Variants in SPAG16 observed in about 807,000 individuals in gnomAD.
The protein encoded by SPAG16 is sperm associated antigen 16.
A neutral mutation model predicts 80.4 loss-of-function variants in SPAG16; 86 were observed. The ratio of observed to expected loss-of-function variants is 1.07; its 90% CI spans 0.90 to 1.28. The LOEUF is 1.28. Ranked by LOEUF, SPAG16 falls within the 50% of genes most tolerant of loss-of-function variation. The pLI, the probability that SPAG16 is intolerant of heterozygous loss-of-function variation, is 0.00. For synonymous variants in SPAG16, 294 were observed against 265.9 expected, an observed-to-expected ratio of 1.11 and a Z score of -1.03; for missense variants, 870 against 765.3, an observed-to-expected ratio of 1.14 and a Z score of -1.61.
At chr2:213,812,291 A>G (rs921770059) in intron 10 of SPAG16, among the ~76,000 whole-genome samples, 1 of 152,172 alleles carries the variant, frequency 6.6e-6, no homozygotes, top group Non-Finnish European at 1.5e-5. Flanking sequence ...GAGTAGAGCA[A>G]AGTTTTAAGG....
At chr2:213,642,424 G>A (rs2062627708) in intron 10 of SPAG16, among the ~76,000 whole-genome samples, 1 of 152,030 alleles carries the variant, frequency 6.6e-6, no homozygotes, top group Non-Finnish European at 1.5e-5. Flanking sequence ...TTAATACTGA[G>A]TGTCAGCTTG....
intron 15 of SPAG16, among the ~76,000 whole-genome samples, chr2:214,236,592 TA>T (rs113501024): frequency 0.016 from 2,496 of 151,346 alleles, 42 homozygotes; most frequent in African/African-American, 0.038. Context: ...GCAGAGGTTA[TA>T]GTGAGCCAAG....
chr2:213,775,352 C>A (rs1274594694), intron 10 of SPAG16, among the ~76,000 whole-genome samples: 1 of 152,224 alleles, frequency 6.6e-6, no homozygotes, highest in East Asian at 1.9e-4. Flanking sequence ...ATGTATACAA[C>A]TAAGTTTGAA....
chr2:213,985,260 G>C (rs925534465), intron 12 of SPAG16, among the ~76,000 whole-genome samples: 2 of 151,898 alleles, frequency 1.3e-5, no homozygotes, highest in Non-Finnish European at 2.9e-5. Flanking sequence ...TTGACTTCTA[G>C]GTAAAATTTC....
chr2:213,538,538 A>G (rs2076324533), intron 10 of SPAG16, among the ~76,000 whole-genome samples: 1 of 152,190 alleles, frequency 6.6e-6, no homozygotes, highest in African/African-American at 2.4e-5. Flanking sequence ...GTTAACCTAG[A>G]GAAAACAACC....
At chr2:214,281,954 A>T (rs1249809779) in intron 15 of SPAG16, among the ~76,000 whole-genome samples, 1 of 152,188 alleles carries the variant, frequency 6.6e-6, no homozygotes, top group Non-Finnish European at 1.5e-5. Flanking sequence ...AAAAAAATGC[A>T]AAGTGATCTG....
intron 15 of SPAG16, among the ~76,000 whole-genome samples, chr2:214,251,610 A>G (rs576947972): frequency 1.6e-4 from 25 of 152,132 alleles, no homozygotes; most frequent in Non-Finnish European, 3.4e-4. Context: ...ATGTTTTGTG[A>G]GTAAGGATGC....
intron 15 of SPAG16, among the ~76,000 whole-genome samples, chr2:214,342,734 C>T (rs573317663): frequency 2.0e-5 from 3 of 152,160 alleles, no homozygotes; most frequent in East Asian, 1.9e-4. Flanking sequence ...GAAACTGGCC[C>T]GTGGTACCAA....
At chr2:213,556,316 A>C (rs1367672310) in intron 10 of SPAG16, among the ~76,000 whole-genome samples, 41 of 150,660 alleles carry the variant, frequency 2.7e-4, no homozygotes, top group African/African-American at 7.5e-4. Context: ...AAAAACCAAA[A>C]AAAAAAAAAA....
intron 15 of SPAG16, among the ~76,000 whole-genome samples, chr2:214,228,058 T>C (rs1160402315): frequency 6.6e-6 from 1 of 152,062 alleles, no homozygotes; most frequent in African/African-American, 2.4e-5. Flanking sequence ...GGCAAAGAAA[T>C]AATCTTTCAC....
intron 10 of SPAG16, among the ~76,000 whole-genome samples, chr2:213,701,065 C>A: frequency 6.6e-6 from 1 of 152,040 alleles, no homozygotes; most frequent in East Asian, 1.9e-4. Context: ...CATGGTGAAA[C>A]CCCATCTCTA....
At chr2:213,838,068 A>G (rs575742289) in intron 10 of SPAG16, among the ~76,000 whole-genome samples, 9 of 152,156 alleles carry the variant, frequency 5.9e-5, no homozygotes, top group African/African-American at 1.9e-4. Context: ...CGGTTGTAAG[A>G]TGTGGTACTG....
At chr2:213,417,864 T>G (rs528218474) in intron 9 of SPAG16, among the ~76,000 whole-genome samples, 2 of 144,544 alleles carry the variant, frequency 1.4e-5, no homozygotes, top group Admixed American at 7.2e-5. Flanking sequence ...TTTAGAAATT[T>G]ATTGTGTTTC....
chr2:213,414,873 C>A (rs2069165357), intron 9 of SPAG16, among the ~76,000 whole-genome samples: 1 of 152,180 alleles, frequency 6.6e-6, no homozygotes, highest in East Asian at 1.9e-4. Flanking sequence ...TTGCTTCATT[C>A]TTGGTAGAAT....
At chr2:213,368,517 C>T (rs1261948682) in intron 8 of SPAG16, among the ~76,000 whole-genome samples, 1 of 152,118 alleles carries the variant, frequency 6.6e-6, no homozygotes, top group Non-Finnish European at 1.5e-5. Flanking sequence ...GACAGGGATG[C>T]CCTCTCTCAC....
At chr2:213,867,043 T>C (rs999980865) in intron 11 of SPAG16, among the ~76,000 whole-genome samples, 2 of 152,322 alleles carry the variant, frequency 1.3e-5, no homozygotes, top group South Asian at 4.1e-4. Flanking sequence ...ATTATTTCTA[T>C]CTATTGTTTA....
At chr2:213,401,848 C>A (rs1450824064) in intron 9 of SPAG16, among the ~76,000 whole-genome samples, 2 of 151,812 alleles carry the variant, frequency 1.3e-5, no homozygotes, top group African/African-American at 4.8e-5. Flanking sequence ...GATTTGTTTT[C>A]ACTATGTATT....
chr2:213,997,955 A>G lies in SPAG16; in HGVS notation c.1401-15996A>G, dbSNP rs570028705. Among the ~76,000 whole-genome samples, 3 of 152,342 alleles carry G rather than the reference A, an allele frequency of 2.0e-5. No individual in the cohort carries two copies. In the East Asian group the frequency reaches 5.8e-4, roughly 29 times the overall value. On this transcript the variant is annotated intron_variant, in intron 12 of 15. Transcript: ENST00000331683. ...CATTTAATACTCTTAAGGAGCTTACATTCTTGAGAACAAGAGTGTGAATTA... is the reference window on the plus strand; with the variant it reads ...CATTTAATACTCTTAAGGAGCTTACGTTCTTGAGAACAAGAGTGTGAATTA...
intron 13 of SPAG16, among the ~76,000 whole-genome samples, chr2:214,038,944 G>A (rs1248653491): frequency 6.6e-6 from 1 of 152,076 alleles, no homozygotes; most frequent in African/African-American, 2.4e-5. Context: ...GTCTATCATT[G>A]ACGGACATTT....
Sources: gnomAD v4.1 joint callset for allele counts (sites outside exome capture counted in the v4.1 genomes callset) on GRCh38, gnomAD v4.1.1 for gene constraint, MANE v1.5 for transcripts, NCBI Gene and HGNC (gene_info 2026-07-23, HGNC 2026-07-21) for gene names.